The following ERN1 variants were observed in gnomAD, a reference collection of about 807,000 sequenced individuals.
The protein encoded by ERN1 is serine/threonine-protein kinase/endoribonuclease IRE1.
ERN1 carries 39 observed loss-of-function variants against 113.1 expected under a neutral mutation model. That is an observed-to-expected ratio of 0.34 (90% confidence interval 0.27 to 0.45). ERN1 has a LOEUF of 0.45. ERN1 is among the 20% of genes least tolerant of loss of function. ERN1 has a pLI of 1.00. For synonymous variants in ERN1, 507 were observed against 515.9 expected (o/e 0.98, Z 0.23); for missense variants, 976 against 1,274.8 (o/e 0.77, Z 3.57).
chr17:64,104,817 T>TC (rs1914479059), intron 1 of ERN1, among the ~76,000 whole-genome samples: 1 of 148,698 alleles, frequency 6.7e-6, no homozygotes, highest in African/African-American at 2.6e-5. Flanking sequence ...AGACTCCATC[T>TC]CAAAAAAAAA....
chr17:64,124,230 G>A (rs2143510600), intron 1 of ERN1, among the ~76,000 whole-genome samples: 1 of 152,290 alleles, frequency 6.6e-6, no homozygotes, highest in Middle Eastern at 3.4e-3. Context: ...GTTACCATAT[G>A]ACCCAACAAT....
chr17:64,042,550 C>G lies in ERN1; in HGVS notation c.*1438G>C, dbSNP rs1233980501. Reference sequence around the variant, plus strand: ...GGCCTGAGCTGCAATGATCCCCCAACTGGCTGGAGAAAGTACATGGACAAC... The same window carrying G: ...GGCCTGAGCTGCAATGATCCCCCAAGTGGCTGGAGAAAGTACATGGACAAC... On this transcript the variant is annotated 3_prime_UTR_variant, in exon 22 of 22. Transcript: ENST00000433197. 6.6e-6 allele frequency: 1 copy of G among 152,226 alleles called. No individual in the cohort carries two copies. The highest frequency in any genetic ancestry group is 2.4e-5 in the African/African-American group (1 of 41,454). 9.4% of individuals were successfully genotyped at this position (152,226 alleles called of 1,614,324 possible).
chr17:64,071,919 G>T, intron 6 of ERN1, 62 bp downstream of exon 6: 1 of 1,537,532 alleles, frequency 6.5e-7, no homozygotes. Flanking sequence ...AAGGAGGCTG[G>T]GGAGCTTCTT....
chr17:64,111,405 G>A (rs1472248656), intron 1 of ERN1, among the ~76,000 whole-genome samples: 1 of 151,656 alleles, frequency 6.6e-6, no homozygotes, highest in Non-Finnish European at 1.5e-5. Context: ...GTCTAAGCTG[G>A]AGTGCAATGG....
chr17:64,067,096 T>A, intron 7 of ERN1, 164 bp from the exon 8 acceptor site: 1 of 718,902 alleles, frequency 1.4e-6, no homozygotes, highest in Non-Finnish European at 2.3e-6. Context: ...TGAACTCGCT[T>A]AGTCTCTGTA....
At position 64,057,984 on chromosome 17, in the gene ERN1, G is replaced by A. The variant is rs758416835; in HGVS notation, c.1216C>T (p.Leu406=). ...GCGTTTTCTGAAGTCTGGTCAACCAGGTTGATAACCTTGCATGGGAGAGAG... is the reference window on the plus strand; with the variant it reads ...GCGTTTTCTGAAGTCTGGTCAACCAAGTTGATAACCTTGCATGGGAGAGAG... ...EKKSFEEVIN[L]VDQTSENAPT... The change falls in exon 12 of 22, where the codon CTG becomes TTG. Residue 406 remains leucine, a synonymous_variant. Transcript: ENST00000433197. 1 of 1,564,480 alleles carries A rather than the reference G, an allele frequency of 6.4e-7. No homozygotes were observed.
At chr17:64,103,840 T>C (rs1378187527) in intron 1 of ERN1, among the ~76,000 whole-genome samples, 1 of 152,066 alleles carries the variant, frequency 6.6e-6, no homozygotes, top group Non-Finnish European at 1.5e-5. Flanking sequence ...CAAAAACAAA[T>C]GAAATGGCCT....
intron 1 of ERN1, among the ~76,000 whole-genome samples, chr17:64,128,287 A>G (rs1015425965): frequency 8.6e-5 from 13 of 151,624 alleles, no homozygotes; most frequent in African/African-American, 2.9e-4. Context: ...CTGGGATTAC[A>G]GGCATGAGCC....
rs1214754317 is a variant in ERN1 at position 64,055,765 on chromosome 17, T to C, written c.1582A>G (p.Thr528Ala). The C allele has an allele frequency of 6.2e-7, 1 of 1,607,606 alleles. No homozygotes were observed. Among genetic ancestry groups the C allele is most frequent in the Non-Finnish European group, 8.5e-7 (1 of 1,177,616 alleles). The part of the protein sequence containing the change: ...SESSGTSSPS[T>A]SPRASNHSLC... ...GAGTGGTTGGAGGCCCTGGGGGACG[T>C]GCTGGGGCTGCTGGTGCCCGAGCTC... The change falls in exon 13 of 22, where the codon ACG (threonine) becomes GCG (alanine). Residue 528 changes from threonine to alanine, a missense_variant. Thr to Ala is a moderately conservative substitution (Grantham distance 58). Transcript: ENST00000433197.
intron 2 of ERN1, among the ~76,000 whole-genome samples, chr17:64,090,445 A>G (rs1378096655): frequency 6.6e-6 from 1 of 151,986 alleles, no homozygotes; most frequent in African/African-American, 2.4e-5. Flanking sequence ...TCATGAAGGC[A>G]CTGAAGACAA....
At chr17:64,087,254 C>A (rs1913961718) in intron 2 of ERN1, among the ~76,000 whole-genome samples, 1 of 152,168 alleles carries the variant, frequency 6.6e-6, no homozygotes, top group Admixed American at 6.5e-5. Flanking sequence ...GCCCTCCGGC[C>A]CCTACCCTCA....
intron 1 of ERN1, among the ~76,000 whole-genome samples, chr17:64,117,574 T>C (rs1394023293): frequency 2.6e-5 from 4 of 152,130 alleles, no homozygotes; most frequent in African/African-American, 9.7e-5. Flanking sequence ...TCAACACCAG[T>C]CCTCCAGAAG....
At chr17:64,107,297 TTA>T (rs1268634594) in intron 1 of ERN1, among the ~76,000 whole-genome samples, 16 of 152,258 alleles carry the variant, frequency 1.1e-4, no homozygotes, top group African/African-American at 3.4e-4. Flanking sequence ...AAAGACTTAA[TTA>T]AGACAGATAC....
At position 64,048,934 on chromosome 17, in the gene ERN1, C is replaced by T. The variant is rs143224681; in HGVS notation, c.2401+121G>A. The T allele has an allele frequency of 1.2e-4, 118 of 1,021,516 alleles. No individual in the cohort carries two copies. The East Asian group carries it at 3.0e-3, about 26-fold the overall frequency. The allele number at this position is 1,021,516 out of a possible 1,614,324, so 63.3% of individuals were successfully genotyped here. Reference sequence around the variant, plus strand: ...ACAAGTCTGGAGGTCCTGAGGCCTGCGGGGTGAGCAGCTGGGGCACCACGG... The same window carrying T: ...ACAAGTCTGGAGGTCCTGAGGCCTGTGGGGTGAGCAGCTGGGGCACCACGG... On this transcript the variant is annotated intron_variant, in intron 18 of 21. Coordinates refer to ENST00000433197, the MANE Select transcript of ERN1 (RefSeq NM_001433.5).
intron 3 of ERN1, chr17:64,080,378 G>A (rs1309315496): frequency 3.4e-5 from 6 of 177,530 alleles, no homozygotes. Context: ...TCCTTAGGTT[G>A]TGCCATCATT....
At chr17:64,065,467 T>C (rs1387400906) in intron 8 of ERN1, among the ~76,000 whole-genome samples, 180 bp from the exon 9 acceptor site, 1 of 152,066 alleles carries the variant, frequency 6.6e-6, no homozygotes, top group Admixed American at 6.5e-5. Flanking sequence ...CCACAGGACT[T>C]CATCCCAGCT....
chr17:64,106,292 T>C (rs1914524947), intron 1 of ERN1, among the ~76,000 whole-genome samples: 1 of 152,264 alleles, frequency 6.6e-6, no homozygotes, highest in Non-Finnish European at 1.5e-5. Context: ...CAAGATATTT[T>C]GTTTTACTGC....
At position 64,049,513 on chromosome 17, in the gene ERN1, A is replaced by G. The variant is rs1382884417; in HGVS notation, c.2254-311T>C. ...CATTAATATGCAAAAATGGTTGCTT[A>G]CGACAGTGCTTGGCCCATCAAAAGC... On this transcript the variant is annotated intron_variant, in intron 17 of 21. Transcript: ENST00000433197. The surrounding 1 kb of genome is among the most constrained non-coding windows in gnomAD (Gnocchi z 4.7). Among the ~76,000 whole-genome samples the G allele has an allele frequency of 6.6e-6, 1 of 152,196 alleles. No homozygotes were observed. Among genetic ancestry groups the G allele is most frequent in the Non-Finnish European group, 1.5e-5 (1 of 68,044 alleles).
chr17:64,054,624 G>T lies in ERN1; in HGVS notation c.1763+114C>A. The T allele has an allele frequency of 1.0e-6, 1 of 998,854 alleles. No individual in the cohort carries two copies. Among genetic ancestry groups the T allele is most frequent in the Non-Finnish European group, 1.5e-6 (1 of 678,694 alleles). The allele number at this position is 998,854 out of a possible 1,614,324, so 61.9% of individuals were successfully genotyped here. A position where few individuals can be genotyped will look rare whatever the true frequency, so the allele number is the denominator to read the frequency against. On this transcript the variant is annotated intron_variant, in intron 14 of 21. Coordinates refer to ENST00000433197, the MANE Select transcript of ERN1 (RefSeq NM_001433.5). This position sits in a 1 kb window ranked among gnomAD's most constrained non-coding sequence, Gnocchi z 4.9. Reference sequence around the variant, plus strand: ...AAGCTCCCTGGAGGCCGGACTCCATGCGTCTAGGTCACTGCTTTGACCCTG... The same window carrying T: ...AAGCTCCCTGGAGGCCGGACTCCATTCGTCTAGGTCACTGCTTTGACCCTG...
Sources: allele counts gnomAD v4.1 joint callset (sites outside exome capture counted in the v4.1 genomes callset), GRCh38; gene constraint gnomAD v4.1.1; non-coding constraint Gnocchi (gnomAD v3.1); transcripts MANE v1.5; gene names NCBI Gene and HGNC (gene_info 2026-07-23, HGNC 2026-07-21).